Variants in PSMA8 observed in about 807,000 individuals in gnomAD.
The protein encoded by PSMA8 is proteasome subunit alpha-type 8.
In PSMA8, 18 loss-of-function variants were observed where a neutral mutation model predicts 32.4. The ratio of observed to expected loss-of-function variants is 0.56; its 90% CI spans 0.38 to 0.82. The LOEUF (loss-of-function observed/expected upper bound fraction) is 0.82. PSMA8 is among the 40% of genes least tolerant of loss of function. The probability of loss-of-function intolerance (pLI) is 0.00; values close to 1 mark genes in which losing one functional copy is unlikely to be tolerated. For missense variants in PSMA8, 298 were observed against 300.7 expected (o/e 0.99, Z 0.07); for synonymous variants, 104 against 98.1 (o/e 1.06, Z -0.36).
intron 6 of PSMA8, among the ~76,000 whole-genome samples, chr18:26,188,832 A>C (rs1023759500): frequency 1.1e-4 from 17 of 152,182 alleles, no homozygotes; most frequent in African/African-American, 3.1e-4. Context: ...ATATATAAAA[A>C]ATCAAAAAAG....
intron 2 of PSMA8, among the ~76,000 whole-genome samples, chr18:26,147,360 G>A (rs2055012318): frequency 6.6e-6 from 1 of 151,744 alleles, no homozygotes; most frequent in Non-Finnish European, 1.5e-5. Context: ...TCACCCATGG[G>A]GCAATGAAAA....
intron 6 of PSMA8, among the ~76,000 whole-genome samples, chr18:26,185,636 A>G (rs543906833): frequency 6.6e-6 from 1 of 151,008 alleles, no homozygotes; most frequent in South Asian, 2.1e-4. Flanking sequence ...GCACTGATAT[A>G]GAATGGATGT....
chr18:26,183,647 G>A (rs970183163), intron 6 of PSMA8, among the ~76,000 whole-genome samples: 1 of 150,794 alleles, frequency 6.6e-6, no homozygotes, highest in Non-Finnish European at 1.5e-5. Flanking sequence ...TTTCTTGGAT[G>A]AAATCTACTC....
At chr18:26,138,932 C>CT (rs1264373659) in intron 1 of PSMA8, among the ~76,000 whole-genome samples, 1 of 152,112 alleles carries the variant, frequency 6.6e-6, no homozygotes. Context: ...AATGTAAGCA[C>CT]TAAGTTTTGG....
At chr18:26,183,482 A>C (rs888416131) in intron 6 of PSMA8, among the ~76,000 whole-genome samples, 1 of 150,872 alleles carries the variant, frequency 6.6e-6, no homozygotes, top group Non-Finnish European at 1.5e-5. Context: ...GACTTTCAGG[A>C]GTTCAAGACT....
At chr18:26,173,140 CA>C (rs1047809621) in intron 4 of PSMA8, among the ~76,000 whole-genome samples, 4 of 152,256 alleles carry the variant, frequency 2.6e-5, no homozygotes, top group African/African-American at 9.6e-5. Context: ...GAGTAAAAAC[CA>C]AAGCCCTTAC....
At position 26,190,406 on chromosome 18, in the gene PSMA8, A is replaced by G. The variant is rs186268321; in HGVS notation, c.661-1913A>G. Among the ~76,000 whole-genome samples the G allele has an allele frequency of 3.3e-5, 5 of 152,304 alleles. No individual in the cohort carries two copies. The East Asian group carries it at 9.6e-4, about 29-fold the overall frequency. On this transcript the variant is annotated intron_variant, in intron 6 of 6. Coordinates refer to ENST00000415576, the MANE Select transcript of PSMA8 (RefSeq NM_001025096.2). ...ATCAAAATATCTCATGTACCCCATAATATATATACCTACTATGTACTCATA... is the reference window on the plus strand; with the variant it reads ...ATCAAAATATCTCATGTACCCCATAGTATATATACCTACTATGTACTCATA...
At chr18:26,172,490 C>T (rs186419389) in intron 4 of PSMA8, among the ~76,000 whole-genome samples, 74 of 152,268 alleles carry the variant, frequency 4.9e-4, no homozygotes, top group Admixed American at 7.8e-4. Flanking sequence ...GACCCCTAGA[C>T]TATATATAGC....
chr18:26,137,172 T>G (rs1203716242), intron 1 of PSMA8, among the ~76,000 whole-genome samples: 1 of 152,174 alleles, frequency 6.6e-6, no homozygotes, highest in Non-Finnish European at 1.5e-5. Context: ...AAAATAGCAC[T>G]TGTGGCTGGG....
At position 26,154,613 on chromosome 18, in the gene PSMA8, A is replaced by T. The variant is rs1312295658; in HGVS notation, c.354+2631A>T. On this transcript the variant is annotated intron_variant, in intron 3 of 6. Transcript: ENST00000415576. ...GTAGTTTTGGGTTTTTTGTTTGTTT[A>T]TTTGTTTTTTGTTTGTTTTGAGATG... Among the ~76,000 whole-genome samples, 3 of 151,196 alleles carry T rather than the reference A, an allele frequency of 2.0e-5. No homozygotes were observed. In the East Asian group the frequency reaches 5.9e-4, roughly 30 times the overall value.
chr18:26,150,284 G>A (rs2055035101), intron 2 of PSMA8, among the ~76,000 whole-genome samples: 1 of 151,508 alleles, frequency 6.6e-6, no homozygotes, highest in Non-Finnish European at 1.5e-5. Flanking sequence ...TCTGTAGATT[G>A]TTTATTTTTA....
chr18:26,170,674 C>CT lies in PSMA8; in HGVS notation c.478-8150dup, dbSNP rs1455402113. ...ACCTTTTCTAATGTAAAAATACATA[C>CT]TTTTTTCAGAGGGAGGGGGAACAAC... is the stretch of plus-strand genomic sequence containing the variant. On this transcript the variant is annotated intron_variant, in intron 4 of 6. Coordinates refer to ENST00000415576, the MANE Select transcript of PSMA8 (RefSeq NM_001025096.2). 1.5e-5 allele frequency: 19 copies of CT among 1,273,694 alleles called. 1 individual carries two copies. The highest frequency in any genetic ancestry group is 6.8e-5 in the Admixed American group (3 of 43,798). The allele number at this position is 1,273,694 out of a possible 1,614,324, so 78.9% of individuals were successfully genotyped here. A position where few individuals can be genotyped will look rare whatever the true frequency, so the allele number is the denominator to read the frequency against.
In PSMA8 at chr18:26,146,356, C is replaced by T. The variant is rs938216130; in HGVS notation, c.229+1671C>T. Among the ~76,000 whole-genome samples, 38 of 152,014 alleles carry T rather than the reference C, an allele frequency of 2.5e-4. 1 individual carries two copies. The highest frequency in any genetic ancestry group is 8.0e-4 in the African/African-American group (33 of 41,370). The stretch of plus-strand genomic sequence containing the variant: ...TCAGCTTGGGCAACTGAGCAAGATA[C>T]TATCTCTTAAAAAATAAAAAAATTA... On this transcript the variant is annotated intron_variant, in intron 2 of 6. Transcript: ENST00000415576.
At chr18:26,187,863 C>A (rs2144361551) in intron 6 of PSMA8, among the ~76,000 whole-genome samples, 1 of 152,254 alleles carries the variant, frequency 6.6e-6, no homozygotes, top group East Asian at 1.9e-4. Context: ...CCATTTTCAG[C>A]ATTGGACAGA....
intron 4 of PSMA8, among the ~76,000 whole-genome samples, chr18:26,174,195 C>A (rs1481464314): frequency 6.6e-6 from 1 of 152,110 alleles, no homozygotes; most frequent in Non-Finnish European, 1.5e-5. Flanking sequence ...CTTCTAAATG[C>A]CTACTTTGAC....
chr18:26,175,097 A>G (rs2055253561), intron 4 of PSMA8, among the ~76,000 whole-genome samples: 1 of 152,240 alleles, frequency 6.6e-6, no homozygotes, highest in South Asian at 2.1e-4. Flanking sequence ...ATACTTCAAA[A>G]TAATGGAAAT....
At chr18:26,151,151 G>A (rs562544623) in intron 2 of PSMA8, among the ~76,000 whole-genome samples, 32 of 152,248 alleles carry the variant, frequency 2.1e-4, no homozygotes, top group African/African-American at 7.7e-4. Flanking sequence ...GGTGTGGAAG[G>A]GAAACAAGAA....
rs773174342 is a variant in PSMA8, at chr18:26,144,686, G to T, written c.229+1G>T. The T allele has an allele frequency of 5.6e-6, 9 of 1,613,606 alleles. No individual in the cohort carries two copies. Among genetic ancestry groups the T allele is most frequent in the South Asian group, 1.1e-5 (1 of 91,038 alleles). The stretch of plus-strand genomic sequence containing the variant: ...GACCATGTCTGCATGGCTTTTGCAG[G>T]TACTTAAGGTCCTACAATAATGATG... On this transcript the variant is annotated splice_donor_variant, in intron 2 of 6. Coordinates refer to ENST00000415576, the MANE Select transcript of PSMA8 (RefSeq NM_001025096.2). LOFTEE classifies it high-confidence loss of function.
chr18:26,185,669 T>C (rs1034846469), intron 6 of PSMA8, among the ~76,000 whole-genome samples: 4 of 150,836 alleles, frequency 2.7e-5, no homozygotes, highest in Non-Finnish European at 5.9e-5. Context: ...CCATAATGTA[T>C]TCTCTAGGAA....
Sources: gnomAD v4.1 joint callset for allele counts (sites outside exome capture counted in the v4.1 genomes callset) on GRCh38, gnomAD v4.1.1 for gene constraint, MANE v1.5 for transcripts, NCBI Gene and HGNC (gene_info 2026-07-23, HGNC 2026-07-21) for gene names.